RRAS2: variants seen among roughly 807,000 people sequenced by gnomAD.
RRAS2 encodes the protein RAS related 2, also known as ras-related protein R-Ras2.
A neutral mutation model predicts 27.6 loss-of-function variants in RRAS2; 7 were observed. The ratio of observed to expected loss-of-function variants is 0.25; its 90% CI spans 0.14 to 0.48. The LOEUF (loss-of-function observed/expected upper bound fraction) is 0.48, where lower values mean the gene tolerates loss of function less well. RRAS2 is among the 20% of genes least tolerant of loss of function. The probability of loss-of-function intolerance (pLI) is 0.99; values close to 1 mark genes in which losing one functional copy is unlikely to be tolerated. For synonymous variants in RRAS2, 86 were observed against 90.9 expected, an observed-to-expected ratio of 0.95 and a Z score of 0.31; for missense variants, 178 against 256.2, an observed-to-expected ratio of 0.69 and a Z score of 2.08.
chr11:14,356,730 T>A, intron 1 of RRAS2: 1 of 452,710 alleles, frequency 2.2e-6, no homozygotes, highest in South Asian at 1.6e-5. Flanking sequence ...ATCCAGGTAC[T>A]ATACTATTCA....
intron 1 of RRAS2, chr11:14,341,776 A>C (rs989901379): frequency 4.4e-6 from 2 of 453,082 alleles, no homozygotes; most frequent in African/African-American, 4.0e-5. Flanking sequence ...TACCTCAGAA[A>C]ATGTTATGAA....
At chr11:14,336,214 T>TGC in intron 1 of RRAS2, among the ~76,000 whole-genome samples, 1 of 152,300 alleles carries the variant, frequency 6.6e-6, no homozygotes, top group East Asian at 1.9e-4. Flanking sequence ...TCTAGACACC[T>TGC]GCCTCACCTC....
chr11:14,340,162 G>A (rs1425466256), intron 1 of RRAS2, among the ~76,000 whole-genome samples: 1 of 138,046 alleles, frequency 7.2e-6, no homozygotes, highest in Non-Finnish European at 1.6e-5. Context: ...GTAGTGGCGC[G>A]ACCTCGGCTC....
At position 14,358,450 on chromosome 11, in the gene RRAS2, C is replaced by T; in HGVS notation, c.108+313G>A. ...AGTAAAGCCCGGCTCGGTGGCCCAG[C>T]CTCTCCCGGAGGTCTCTGGCCTCGG... is the stretch of plus-strand genomic sequence containing the variant. On this transcript the variant is annotated intron_variant, in intron 1 of 5. Transcript: ENST00000256196. This position sits in a 1 kb window ranked among gnomAD's most constrained non-coding sequence, Gnocchi z 5.1. 8 of 985,444 alleles carry T rather than the reference C, an allele frequency of 8.1e-6. No individual in the cohort carries two copies. Among genetic ancestry groups the T allele is most frequent in the Non-Finnish European group, 9.6e-6 (8 of 830,032 alleles). 61.0% of individuals were successfully genotyped at this position (985,444 alleles called of 1,614,324 possible). A position where few individuals can be genotyped will look rare whatever the true frequency, so the allele number is the denominator to read the frequency against.
intron 3 of RRAS2, 22 bp from the exon 4 acceptor site, chr11:14,294,601 A>C: frequency 6.5e-7 from 1 of 1,537,196 alleles, no homozygotes; most frequent in Non-Finnish European, 8.9e-7. Context: ...AAAATCAAAA[A>C]CAAATTAATC....
intron 4 of RRAS2, among the ~76,000 whole-genome samples, chr11:14,284,564 T>C (rs528864914): frequency 6.1e-4 from 93 of 152,324 alleles, no homozygotes; most frequent in African/African-American, 2.2e-3. Flanking sequence ...ATTTTCTTTC[T>C]ACCTTCCTAT....
rs1017288500 is a variant in RRAS2, at chr11:14,358,227, G to A, written c.108+536C>T. On this transcript the variant is annotated intron_variant, in intron 1 of 5. Transcript: ENST00000256196. The surrounding 1 kb of genome is among the most constrained non-coding windows in gnomAD (Gnocchi z 5.1). Reference sequence around the variant, plus strand: ...CTAAGAGAGTACTTATAAAAAGAGCGTAACACACACACAAAGAAATACACA... The same window carrying A: ...CTAAGAGAGTACTTATAAAAAGAGCATAACACACACACAAAGAAATACACA... 2.7e-5 allele frequency: 27 copies of A among 985,258 alleles called. No homozygotes were observed. Among genetic ancestry groups the A allele is most frequent in the East Asian group, 2.3e-4 (2 of 8,814 alleles). The allele number at this position is 985,258 out of a possible 1,614,324, so 61.0% of individuals were successfully genotyped here. A position where few individuals can be genotyped will look rare whatever the true frequency, so the allele number is the denominator to read the frequency against.
chr11:14,339,298 G>A (rs1462422907), intron 1 of RRAS2, among the ~76,000 whole-genome samples: 3 of 131,264 alleles, frequency 2.3e-5, no homozygotes, highest in South Asian at 3.0e-4. Context: ...AAAAAAGGGG[G>A]GGGGGGGAAG....
intron 1 of RRAS2, among the ~76,000 whole-genome samples, chr11:14,323,363 T>G (rs1044812180): frequency 6.6e-6 from 1 of 151,180 alleles, no homozygotes; most frequent in African/African-American, 2.4e-5. Context: ...AAGGCTAAGG[T>G]AGGAGGATTG....
intron 1 of RRAS2, among the ~76,000 whole-genome samples, chr11:14,303,963 G>A (rs1847772091): frequency 6.6e-6 from 1 of 152,082 alleles, no homozygotes; most frequent in South Asian, 2.1e-4. Context: ...CCACCTCTGG[G>A]GTTTCCATGG....
intron 1 of RRAS2, among the ~76,000 whole-genome samples, chr11:14,350,966 T>C (rs782785372): frequency 6.6e-5 from 10 of 152,230 alleles, no homozygotes; most frequent in Non-Finnish European, 1.5e-4. Context: ...ATTTTTGTAA[T>C]TAAGAAATGC....
chr11:14,285,925 T>C (rs1307343543), intron 4 of RRAS2, among the ~76,000 whole-genome samples: 1 of 152,184 alleles, frequency 6.6e-6, no homozygotes, highest in Admixed American at 6.5e-5. Context: ...TATAATTTTC[T>C]TCATATTTCT....
Position 14,358,691 on chromosome 11 carries a change from C to A in RRAS2, c.108+72G>T, listed in dbSNP as rs1256541175. 2 of 1,064,640 alleles carry A rather than the reference C, an allele frequency of 1.9e-6. No individual in the cohort carries two copies. Among genetic ancestry groups the A allele is most frequent in the East Asian group, 1.3e-4 (2 of 15,832 alleles). 65.9% of individuals were successfully genotyped at this position (1,064,640 alleles called of 1,614,324 possible). A position where few individuals can be genotyped will look rare whatever the true frequency, so the allele number is the denominator to read the frequency against. On this transcript the variant is annotated intron_variant, in intron 1 of 5. Coordinates refer to ENST00000256196, the MANE Select transcript of RRAS2 (RefSeq NM_012250.6). This position sits in a 1 kb window ranked among gnomAD's most constrained non-coding sequence, Gnocchi z 5.1. Reference sequence around the variant, plus strand: ...GCCTCTGGGGCGAGGTCGCGGCGGCCGCCCCGCCACAGGTAGCGCCAGCCC... The same window carrying A: ...GCCTCTGGGGCGAGGTCGCGGCGGCAGCCCCGCCACAGGTAGCGCCAGCCC...
chr11:14,354,334 C>G (rs1027995072), intron 1 of RRAS2: 2 of 152,152 alleles, frequency 1.3e-5, no homozygotes, highest in Non-Finnish European at 1.5e-5. Context: ...ATATAAACCT[C>G]CCTGTAAATT....
At chr11:14,280,033 A>G (rs1392610334) in intron 5 of RRAS2, among the ~76,000 whole-genome samples, 3 of 152,178 alleles carry the variant, frequency 2.0e-5, no homozygotes, top group Non-Finnish European at 4.4e-5. Flanking sequence ...AAGAACCAAA[A>G]CAAAGGACAA....
In RRAS2 at chr11:14,331,545, T is replaced by G. The variant is rs577855734; in HGVS notation, c.108+27218A>C. On this transcript the variant is annotated intron_variant, in intron 1 of 5. Transcript: ENST00000256196. ...GTTCATTTTGTTTGAACTATTTTGTTATAAGGTTCTGGCCTGGGCATGGTG... is the reference window on the plus strand; with the variant it reads ...GTTCATTTTGTTTGAACTATTTTGTGATAAGGTTCTGGCCTGGGCATGGTG... Among the ~76,000 whole-genome samples the G allele has an allele frequency of 9.2e-5, 14 of 152,024 alleles. No individual in the cohort carries two copies. The South Asian group carries it at 2.3e-3, about 25-fold the overall frequency.
chr11:14,303,264 TTGCTTA>T (rs1847757219), intron 1 of RRAS2, among the ~76,000 whole-genome samples: 1 of 152,234 alleles, frequency 6.6e-6, no homozygotes, highest in African/African-American at 2.4e-5. Flanking sequence ...CCTTTTACAA[TTGCTTA>T]TCCTTTCATG....
intron 1 of RRAS2, among the ~76,000 whole-genome samples, chr11:14,356,979 G>T (rs918870397): frequency 7.3e-5 from 11 of 151,682 alleles, no homozygotes; most frequent in Non-Finnish European, 1.6e-4. Context: ...GTAGAGACGG[G>T]GTTTCACTAT....
At chr11:14,280,726 C>CAAAA (rs58781581) in intron 5 of RRAS2, among the ~76,000 whole-genome samples, 758 of 48,314 alleles carry the variant, frequency 0.016, 101 homozygotes, top group African/African-American at 0.034. Context: ...ACTCTGTTTC[C>CAAAA]AAAAAAAAAA....
Sources: allele counts gnomAD v4.1 joint callset (sites outside exome capture counted in the v4.1 genomes callset), GRCh38; gene constraint gnomAD v4.1.1; non-coding constraint Gnocchi (gnomAD v3.1); transcripts MANE v1.5; gene names NCBI Gene and HGNC (gene_info 2026-07-23, HGNC 2026-07-21).